Variants in SESN2 observed in about 807,000 individuals in gnomAD.
The protein encoded by SESN2 is sestrin-2.
In SESN2, 42 loss-of-function variants were observed where a neutral mutation model predicts 56.0. That is an observed-to-expected ratio of 0.75 (90% CI 0.59 to 0.97). The LOEUF is 0.97. Among genes scored for constraint, SESN2 ranks in the 50% least tolerant of loss-of-function variants. The probability of loss-of-function intolerance (pLI) is 0.00; values close to 1 mark genes in which losing one functional copy is unlikely to be tolerated. For synonymous variants in SESN2, 264 were observed against 267.1 expected (o/e 0.99, Z 0.11); for missense variants, 507 against 649.4 (o/e 0.78, Z 2.38).
In SESN2 at chr1:28,272,318, G is replaced by T; in HGVS notation, c.389G>T (p.Gly130Val). 1 of 1,614,038 alleles carries T rather than the reference G, an allele frequency of 6.2e-7. No homozygotes were observed. Among genetic ancestry groups the T allele is most frequent in the South Asian group, 1.1e-5 (1 of 91,082 alleles). ...AARHQCSYLV[G>V]SHMAEFLQTG... ...CGCCATCAGTGTTCTTACCTGGTAG[G>T]CTCCCACATGGCCGAGTTTCTGCAG... The change falls in exon 4 of 10, where the codon GGC becomes GTC. Residue 130 changes from glycine (G) to valine (V), a missense_variant. Gly to Val is a moderately radical substitution (Grantham distance 109). Transcript: ENST00000253063.
At chr1:28,260,569 GA>G (rs1275900658) in intron 1 of SESN2, among the ~76,000 whole-genome samples, 1 of 152,202 alleles carries the variant, frequency 6.6e-6, no homozygotes, top group Admixed American at 6.5e-5. Flanking sequence ...AAGCTGGGGG[GA>G]GAGGGGACAA....
chr1:28,266,517 T>C (rs1647563987), intron 1 of SESN2, among the ~76,000 whole-genome samples: 2 of 151,628 alleles, frequency 1.3e-5, no homozygotes, highest in African/African-American at 2.4e-5. Flanking sequence ...GTGGTGGAGC[T>C]GTCATTTGAG....
chr1:28,274,135 G>C lies in SESN2; in HGVS notation c.997G>C (p.Ala333Pro). The C allele has an allele frequency of 6.2e-7, 1 of 1,613,248 alleles. No individual in the cohort carries two copies. The highest frequency in any genetic ancestry group is 8.5e-7 in the Non-Finnish European group (1 of 1,179,222). ...GGACTTCACTCGGAGAGGGGCTCAGGCACCCCCTACCTTCCGGGCCCAGGT... is the reference window on the plus strand; with the variant it reads ...GGACTTCACTCGGAGAGGGGCTCAGCCACCCCCTACCTTCCGGGCCCAGGT... Reference protein sequence around the residue: ...YEDFTRRGAQAPPTFRAQDYT... With the variant: ...YEDFTRRGAQPPPTFRAQDYT... The change falls in exon 7 of 10, where the codon GCA becomes CCA. Residue 333 changes from alanine (A) to proline (P), a missense_variant. Physicochemically the swap from Ala to Pro is conservative, Grantham distance 27 (BLOSUM62 -1). Coordinates refer to ENST00000253063, the MANE Select transcript of SESN2 (RefSeq NM_031459.5).
intron 8 of SESN2, among the ~76,000 whole-genome samples, chr1:28,278,005 G>A (rs1426579907): frequency 2.6e-5 from 4 of 152,114 alleles, no homozygotes; most frequent in Non-Finnish European, 5.9e-5. Flanking sequence ...TCATTCCTCT[G>A]TCTACACTGA....
chr1:28,264,199 C>T (rs1422978529), intron 1 of SESN2, among the ~76,000 whole-genome samples: 1 of 151,906 alleles, frequency 6.6e-6, no homozygotes, highest in African/African-American at 2.4e-5. Context: ...CATGCCTATA[C>T]TCCCAGCTAC....
chr1:28,264,823 G>A (rs146581493), intron 1 of SESN2, among the ~76,000 whole-genome samples: 1 of 152,248 alleles, frequency 6.6e-6, no homozygotes, highest in East Asian at 1.9e-4. Flanking sequence ...GCTATGCTAG[G>A]CACTGGGGTA....
rs535197437 is a variant in SESN2, at chr1:28,274,777, C to T, written c.1021-48C>T. 4.3e-5 allele frequency: 62 copies of T among 1,452,698 alleles called. No individual in the cohort carries two copies. In the East Asian group the frequency reaches 1.4e-3, roughly 33 times the overall value. The allele number at this position is 1,452,698 out of a possible 1,614,324, so 90.0% of individuals were successfully genotyped here. On this transcript the variant is annotated intron_variant, in intron 7 of 9. Transcript: ENST00000253063. ...GTCCAGAGGATGGGGGTCTCTCTGG[C>T]TGGTCTTGGGCTCCAAAGACTCACC...
chr1:28,269,366 T>G (rs1452278061), intron 2 of SESN2, 118 bp downstream of exon 2: 2 of 587,706 alleles, frequency 3.4e-6, no homozygotes, highest in Non-Finnish European at 5.7e-6. Flanking sequence ...TCCTTTCTGA[T>G]TTCTGATTCA....
intron 1 of SESN2, among the ~76,000 whole-genome samples, chr1:28,264,389 C>T (rs890166535): frequency 1.3e-5 from 2 of 152,100 alleles, no homozygotes; most frequent in Admixed American, 1.3e-4. Flanking sequence ...CCTCTTTTTA[C>T]AGTTTGTGTG....
chr1:28,273,212 T>TAAA (rs1647852767), intron 5 of SESN2, 146 bp from the exon 6 acceptor site: 3 of 650,266 alleles, frequency 4.6e-6, no homozygotes, highest in Non-Finnish European at 7.4e-6. Context: ...ACAGACCCCA[T>TAAA]GTGCTGTCCA....
In SESN2 at chr1:28,261,202, A is replaced by T. The variant is rs139661597; in HGVS notation, c.90+1265A>T. ...CTGGGGATCCTACCTCCGTCGGTGT[A>T]TAGTTTGTGCCCTGGTTTTTGTTAG... On this transcript the variant is annotated intron_variant, in intron 1 of 9. Coordinates refer to ENST00000253063, the MANE Select transcript of SESN2 (RefSeq NM_031459.5). 2.0e-5 allele frequency among the ~76,000 whole-genome samples: 3 copies of T among 152,226 alleles called. No homozygotes were observed. In the East Asian group the frequency reaches 5.8e-4, roughly 29 times the overall value.
intron 1 of SESN2, among the ~76,000 whole-genome samples, chr1:28,267,904 T>C (rs879413378): frequency 7.2e-5 from 11 of 152,164 alleles, no homozygotes; most frequent in Non-Finnish European, 1.5e-4. Flanking sequence ...TGTGATCTGG[T>C]GTCAGGGAAA....
At chr1:28,270,533 A>C (rs1324079152) in intron 2 of SESN2, among the ~76,000 whole-genome samples, 3 of 152,090 alleles carry the variant, frequency 2.0e-5, no homozygotes, top group African/African-American at 7.2e-5. Context: ...TCTAAGCTCA[A>C]GTATTGCTCT....
intron 2 of SESN2, among the ~76,000 whole-genome samples, 167 bp downstream of exon 2, chr1:28,269,415 A>G (rs1647676876): frequency 6.6e-6 from 1 of 152,116 alleles, no homozygotes; most frequent in Non-Finnish European, 1.5e-5. Context: ...AGGCACTGTC[A>G]ACTCCATTTT....
intron 8 of SESN2, among the ~76,000 whole-genome samples, chr1:28,276,165 T>A (rs1648034298): frequency 6.7e-6 from 1 of 149,012 alleles, no homozygotes; most frequent in Admixed American, 6.7e-5. Context: ...TAAATAAAAT[T>A]GAAAAATACA....
At chr1:28,262,133 G>A (rs910019101) in intron 1 of SESN2, among the ~76,000 whole-genome samples, 1 of 152,102 alleles carries the variant, frequency 6.6e-6, no homozygotes, top group Non-Finnish European at 1.5e-5. Context: ...ACCTTCGGAC[G>A]GTTTCTGCTT....
intron 8 of SESN2, among the ~76,000 whole-genome samples, chr1:28,275,675 C>T (rs954087593): frequency 3.3e-5 from 5 of 151,946 alleles, no homozygotes; most frequent in Middle Eastern, 3.4e-3. Flanking sequence ...TCGCTTGAAC[C>T]GGGGAGGCGG....
chr1:28,274,270 A>G (rs375258253), intron 7 of SESN2, 112 bp downstream of exon 7: 2 of 739,470 alleles, frequency 2.7e-6, no homozygotes, highest in Non-Finnish European at 4.7e-6. Flanking sequence ...GGTAGCTCAC[A>G]CCTGTAATCC....
At chr1:28,273,936 G>A (rs143535229) in intron 6 of SESN2, 104 bp from the exon 7 acceptor site, 1 of 757,348 alleles carries the variant, frequency 1.3e-6, no homozygotes, top group African/African-American at 1.7e-5. Flanking sequence ...GGCTTTTTTT[G>A]GCCCTCTATT....
Sources: gnomAD v4.1 joint callset for allele counts (sites outside exome capture counted in the v4.1 genomes callset) on GRCh38, gnomAD v4.1.1 for gene constraint, MANE v1.5 for transcripts, NCBI Gene and HGNC (gene_info 2026-07-23, HGNC 2026-07-21) for gene names.